The following ARHGAP21 variants were observed in gnomAD, a reference collection of about 807,000 sequenced individuals.
ARHGAP21 encodes rho GTPase-activating protein 21.
A neutral mutation model predicts 164.6 loss-of-function variants in ARHGAP21; 38 were observed. The observed-to-expected ratio is 0.23, with a 90% CI of 0.18 to 0.30. The LOEUF is 0.30. ARHGAP21 is among the 10% of genes least tolerant of loss of function. The pLI, the probability that ARHGAP21 is intolerant of heterozygous loss-of-function variation, is 1.00. For missense variants in ARHGAP21, 1,822 were observed against 2,370.7 expected (o/e 0.77, Z 4.81); for synonymous variants, 766 against 857.9 (o/e 0.89, Z 1.87).
At chr10:24,661,184 G>C (rs1029443619) in intron 4 of ARHGAP21, among the ~76,000 whole-genome samples, 3 of 150,048 alleles carry the variant, frequency 2.0e-5, no homozygotes, top group African/African-American at 7.3e-5. Flanking sequence ...ATTCTCCAGA[G>C]ATTTAAGGGA....
At chr10:24,628,480 C>T (rs1835357347) in intron 7 of ARHGAP21, among the ~76,000 whole-genome samples, 1 of 151,790 alleles carries the variant, frequency 6.6e-6, no homozygotes, top group African/African-American at 2.4e-5. Flanking sequence ...GAGCTAAGTT[C>T]AAACTACTGC....
intron 2 of ARHGAP21, among the ~76,000 whole-genome samples, chr10:24,687,826 C>T (rs1051766847): frequency 2.0e-5 from 3 of 152,112 alleles, no homozygotes. Flanking sequence ...ATATAGGCTA[C>T]GGAAGAAAAA....
intron 23 of ARHGAP21, 43 bp from the exon 24 acceptor site, chr10:24,591,373 A>T (rs2076322542): frequency 6.6e-7 from 1 of 1,503,864 alleles, no homozygotes; most frequent in African/African-American, 1.4e-5. Context: ...CTCTTCAAAG[A>T]TACTTTCTTT....
chr10:24,717,576 A>T (rs1845511375), intron 2 of ARHGAP21, among the ~76,000 whole-genome samples: 1 of 152,172 alleles, frequency 6.6e-6, no homozygotes, highest in African/African-American at 2.4e-5. Flanking sequence ...AGGGAGGAGG[A>T]ACAGGGGACA....
chr10:24,589,061 A>G (rs1220984463), intron 25 of ARHGAP21, among the ~76,000 whole-genome samples: 1 of 152,176 alleles, frequency 6.6e-6, no homozygotes, highest in Non-Finnish European at 1.5e-5. Flanking sequence ...AAACTGCACA[A>G]TGAGAAGAAT....
intron 9 of ARHGAP21, among the ~76,000 whole-genome samples, chr10:24,616,838 T>C (rs1833994828): frequency 6.6e-6 from 1 of 152,212 alleles, no homozygotes; most frequent in Admixed American, 6.5e-5. Context: ...AGTTGAAATT[T>C]ATTTTCAGGA....
chr10:24,621,828 C>A (rs950278464), intron 8 of ARHGAP21, among the ~76,000 whole-genome samples: 11 of 145,962 alleles, frequency 7.5e-5, no homozygotes, highest in African/African-American at 2.9e-4. Context: ...TAAATTAAGT[C>A]TAATTTATTT....
At position 24,693,684 on chromosome 10, in the gene ARHGAP21, C is replaced by G. The variant is rs12571696; in HGVS notation, c.64-23287G>C. Among the ~76,000 whole-genome samples the G allele has an allele frequency of 1.5e-3, 229 of 152,156 alleles. 5 individuals carry two copies. In the East Asian group the frequency reaches 0.038, roughly 25 times the overall value. On this transcript the variant is annotated intron_variant, in intron 2 of 25. Coordinates refer to ENST00000396432, the MANE Select transcript of ARHGAP21 (RefSeq NM_020824.4). ...ACCTTCTCTTGCAGAGGGATTGACT[C>G]TAACCTAACACCCTCATCCCTCTCC...
Position 24,595,395 on chromosome 10 carries a change from A to G in ARHGAP21, c.3713-205T>C, listed in dbSNP as rs1011910256. Reference sequence around the variant, plus strand: ...CATTCCTCCCCCACCCTCCAACAACATCTAGTAAAGTGTCTTACATGGCAC... The same window carrying G: ...CATTCCTCCCCCACCCTCCAACAACGTCTAGTAAAGTGTCTTACATGGCAC... On this transcript the variant is annotated intron_variant, in intron 19 of 25. Transcript: ENST00000396432. Among the ~76,000 whole-genome samples the G allele has an allele frequency of 2.0e-5, 3 of 152,210 alleles. No individual in the cohort carries two copies. In the East Asian group the frequency reaches 5.8e-4, roughly 29 times the overall value.
intron 2 of ARHGAP21, among the ~76,000 whole-genome samples, chr10:24,705,755 C>T (rs1009686484): frequency 1.3e-5 from 2 of 152,144 alleles, no homozygotes; most frequent in Non-Finnish European, 2.9e-5. Context: ...GAATAACCTA[C>T]GAGGTAAATA....
At chr10:24,691,461 A>T (rs943300942) in intron 2 of ARHGAP21, among the ~76,000 whole-genome samples, 4 of 151,708 alleles carry the variant, frequency 2.6e-5, no homozygotes, top group Non-Finnish European at 5.9e-5. Context: ...TATTTCAAAA[A>T]CCCAACTAAG....
intron 4 of ARHGAP21, among the ~76,000 whole-genome samples, chr10:24,636,033 G>T (rs192096148): frequency 6.6e-6 from 1 of 152,166 alleles, no homozygotes; most frequent in Non-Finnish European, 1.5e-5. Context: ...GATCAACCCC[G>T]TAAGTCAGAA....
intron 21 of ARHGAP21, 45 bp from the exon 22 acceptor site, chr10:24,592,057 G>A (rs765828488): frequency 1.2e-5 from 17 of 1,458,374 alleles, no homozygotes; most frequent in Non-Finnish European, 1.5e-5. Flanking sequence ...TTTTTCTTAA[G>A]GAAGTAGGCT....
chr10:24,590,130 T>A, intron 24 of ARHGAP21: 1 of 1,259,452 alleles, frequency 7.9e-7, no homozygotes, highest in South Asian at 2.5e-5. Flanking sequence ...TCAGAATTAA[T>A]GAGCTGAGCC....
chr10:24,673,178 C>G (rs372817142), intron 2 of ARHGAP21, among the ~76,000 whole-genome samples: 1 of 152,168 alleles, frequency 6.6e-6, no homozygotes, highest in Non-Finnish European at 1.5e-5. Context: ...TTTTTGTGTG[C>G]AAGCTGCTAT....
chr10:24,590,173 T>C, intron 24 of ARHGAP21: 1 of 1,404,874 alleles, frequency 7.1e-7, no homozygotes, highest in Non-Finnish European at 9.2e-7. Context: ...CATGGCTAAA[T>C]GCTTTATGAC....
intron 4 of ARHGAP21, among the ~76,000 whole-genome samples, chr10:24,650,686 C>T (rs1185820893): frequency 6.6e-6 from 1 of 152,084 alleles, no homozygotes; most frequent in East Asian, 1.9e-4. Context: ...TCTAAATCTA[C>T]CTACAGTGAA....
chr10:24,700,900 C>T (rs575842000), intron 2 of ARHGAP21, among the ~76,000 whole-genome samples: 1 of 152,276 alleles, frequency 6.6e-6, no homozygotes, highest in South Asian at 2.1e-4. Context: ...TAGAGTGAGA[C>T]CAGAACATCC....
chr10:24,650,794 C>G (rs1324275189), intron 4 of ARHGAP21, among the ~76,000 whole-genome samples: 1 of 152,100 alleles, frequency 6.6e-6, no homozygotes, highest in Non-Finnish European at 1.5e-5. Context: ...AGAAAGCTAC[C>G]AAGGCAGAGA....
Sources: gnomAD v4.1 joint callset for allele counts (sites outside exome capture counted in the v4.1 genomes callset) on GRCh38, gnomAD v4.1.1 for gene constraint, MANE v1.5 for transcripts, NCBI Gene and HGNC (gene_info 2026-07-23, HGNC 2026-07-21) for gene names.